FZD3: variants seen among roughly 807,000 people sequenced by gnomAD.
FZD3 encodes the protein frizzled class receptor 3, also known as frizzled-3.
FZD3 carries 30 observed loss-of-function variants against 60.7 expected under a neutral mutation model. The ratio of observed to expected loss-of-function variants is 0.49; its 90% CI spans 0.37 to 0.67. The LOEUF is 0.67. Ranked by LOEUF, FZD3 falls within the 30% of genes least tolerant of loss-of-function variation. FZD3 has a pLI of 0.00. For missense variants in FZD3, 605 were observed against 838.7 expected (o/e 0.72, Z 3.44); for synonymous variants, 246 against 275.2 (o/e 0.89, Z 1.05).
Position 28,566,368 on chromosome 8 carries a change from T to C in FZD3, c.*3357T>C, listed in dbSNP as rs1805706119. 6.6e-6 allele frequency: 1 copy of C among 152,184 alleles called. No homozygotes were observed. Among genetic ancestry groups the C allele is most frequent in the African/African-American group, 2.4e-5 (1 of 41,454 alleles). The allele number at this position is 152,184 out of a possible 1,614,324, so 9.4% of individuals were successfully genotyped here. A position where few individuals can be genotyped will look rare whatever the true frequency, so the allele number is the denominator to read the frequency against. ...ATTTTAGAAGATGAACAGTGATTCT[T>C]AGAAGTGAGTAATTAGACTCCTTTT... On this transcript the variant is annotated 3_prime_UTR_variant, in exon 8 of 8. Transcript: ENST00000240093.
At chr8:28,494,537 C>G (rs1803783952) in intron 1 of FZD3, among the ~76,000 whole-genome samples, 194 bp downstream of exon 1, 1 of 152,020 alleles carries the variant, frequency 6.6e-6, no homozygotes, top group Non-Finnish European at 1.5e-5. Flanking sequence ...CCTTGGGCGC[C>G]GGACTGTGGC....
chr8:28,500,696 T>C (rs1262286272), intron 2 of FZD3, among the ~76,000 whole-genome samples: 2 of 152,198 alleles, frequency 1.3e-5, no homozygotes, highest in Admixed American at 6.5e-5. Flanking sequence ...TTTAGTGATA[T>C]GCATAATTGT....
chr8:28,499,305 A>T (rs1803928925), intron 1 of FZD3, among the ~76,000 whole-genome samples: 1 of 152,144 alleles, frequency 6.6e-6, no homozygotes, highest in African/African-American at 2.4e-5. Flanking sequence ...TTTATTTTTT[A>T]TTTATTGTTA....
intron 5 of FZD3, among the ~76,000 whole-genome samples, chr8:28,545,921 G>T (rs1383225263): frequency 6.6e-6 from 1 of 152,184 alleles, no homozygotes; most frequent in Non-Finnish European, 1.5e-5. Flanking sequence ...GGTCCCATAG[G>T]ATTATAATGC....
intron 3 of FZD3, among the ~76,000 whole-genome samples, chr8:28,512,367 C>G (rs2130316619): frequency 6.6e-6 from 1 of 152,204 alleles, no homozygotes; most frequent in East Asian, 1.9e-4. Context: ...AGTATGGTAT[C>G]ATCCTGGTTT....
chr8:28,517,372 GT>G (rs929694829), intron 3 of FZD3, among the ~76,000 whole-genome samples: 42 of 151,902 alleles, frequency 2.8e-4, no homozygotes, highest in African/African-American at 8.5e-4. Context: ...TTTTTCTTTG[GT>G]TTTCAACCGT....
In FZD3 at chr8:28,569,409, G is replaced by T. The variant is rs898457350; in HGVS notation, c.*6398G>T. The T allele has an allele frequency of 6.6e-6, 1 of 151,378 alleles. No homozygotes were observed. Among genetic ancestry groups the T allele is most frequent in the East Asian group, 1.9e-4 (1 of 5,176 alleles). The allele number at this position is 151,378 out of a possible 1,614,324, so 9.4% of individuals were successfully genotyped here. A position where few individuals can be genotyped will look rare whatever the true frequency, so the allele number is the denominator to read the frequency against. ...AACTTTGGATAAGGCATTTTATCTCGTGGTGCCTCCATTTTTCTCATTCTC... is the reference window on the plus strand; with the variant it reads ...AACTTTGGATAAGGCATTTTATCTCTTGGTGCCTCCATTTTTCTCATTCTC... On this transcript the variant is annotated 3_prime_UTR_variant, in exon 8 of 8. Coordinates refer to ENST00000240093, the MANE Select transcript of FZD3 (RefSeq NM_017412.4).
intron 6 of FZD3, among the ~76,000 whole-genome samples, chr8:28,554,382 G>A (rs1201693541): frequency 6.6e-6 from 1 of 152,128 alleles, no homozygotes; most frequent in Non-Finnish European, 1.5e-5. Context: ...ACAGAGGAAC[G>A]AATCCAGATT....
intron 7 of FZD3, 21 bp downstream of exon 7, chr8:28,555,992 A>G (rs1805501434): frequency 7.0e-7 from 1 of 1,438,532 alleles, no homozygotes; most frequent in South Asian, 1.2e-5. Context: ...TTAGTAGTGT[A>G]GTTTATTTCA....
At chr8:28,509,658 CT>C (rs1441930685) in intron 3 of FZD3, among the ~76,000 whole-genome samples, 2 of 152,190 alleles carry the variant, frequency 1.3e-5, no homozygotes, top group Non-Finnish European at 1.5e-5. Flanking sequence ...AAGTTGACCA[CT>C]CTATGTATTT....
chr8:28,509,201 A>G (rs1040350754), intron 3 of FZD3, among the ~76,000 whole-genome samples: 1 of 151,852 alleles, frequency 6.6e-6, no homozygotes, highest in Non-Finnish European at 1.5e-5. Context: ...TTATACTTCA[A>G]GGTACATTCA....
At chr8:28,513,676 T>A (rs1345747058) in intron 3 of FZD3, among the ~76,000 whole-genome samples, 1 of 152,214 alleles carries the variant, frequency 6.6e-6, no homozygotes, top group African/African-American at 2.4e-5. Flanking sequence ...TGTTTTTGAA[T>A]AATTTCTCAT....
At chr8:28,530,982 A>C (rs1268341610) in intron 5 of FZD3, among the ~76,000 whole-genome samples, 1 of 152,154 alleles carries the variant, frequency 6.6e-6, no homozygotes, top group Non-Finnish European at 1.5e-5. Flanking sequence ...ATATATAGAG[A>C]TATAGAAAAT....
In FZD3 at chr8:28,527,032, T is replaced by C; in HGVS notation, c.387-115T>C. The C allele has an allele frequency of 2.3e-6, 2 of 855,836 alleles. No homozygotes were observed. Among genetic ancestry groups the C allele is most frequent in the Non-Finnish European group, 3.7e-6 (2 of 542,098 alleles). The allele number at this position is 855,836 out of a possible 1,614,324, so 53.0% of individuals were successfully genotyped here. A position where few individuals can be genotyped will look rare whatever the true frequency, so the allele number is the denominator to read the frequency against. On this transcript the variant is annotated intron_variant, in intron 4 of 7. Coordinates refer to ENST00000240093, the MANE Select transcript of FZD3 (RefSeq NM_017412.4). The surrounding 1 kb of genome is among the most constrained non-coding windows in gnomAD (Gnocchi z 5.0). ...ATTTACTTTATTTCTACATATTACA[T>C]TTGCTCTCCAGGAATAAATAAGGTT...
rs1363059325 is a variant in FZD3, at chr8:28,571,780, A to C, written c.*8769A>C. The C allele has an allele frequency of 6.6e-6, 1 of 152,132 alleles. No individual in the cohort carries two copies. Among genetic ancestry groups the C allele is most frequent in the African/African-American group, 2.4e-5 (1 of 41,430 alleles). 9.4% of individuals were successfully genotyped at this position (152,132 alleles called of 1,614,324 possible). A position where few individuals can be genotyped will look rare whatever the true frequency, so the allele number is the denominator to read the frequency against. ...GTAAAGATTGATATTGATACCACCC[A>C]CCATCCTTTCCTCTAGCCCCAGAAA... On this transcript the variant is annotated 3_prime_UTR_variant, in exon 8 of 8. Coordinates refer to ENST00000240093, the MANE Select transcript of FZD3 (RefSeq NM_017412.4).
intron 5 of FZD3, among the ~76,000 whole-genome samples, chr8:28,544,429 C>T (rs1380256421): frequency 6.6e-6 from 1 of 151,982 alleles, no homozygotes; most frequent in Non-Finnish European, 1.5e-5. Flanking sequence ...GCTTACTTTA[C>T]ATATTTATGA....
rs150398117 is a variant in FZD3 at position 28,534,558 on chromosome 8, AAATC to A, written c.1404+6412_1404+6415del. Among the ~76,000 whole-genome samples, 494 of 152,216 alleles carry A rather than the reference AAATC, an allele frequency of 3.2e-3. 4 individuals carry two copies. Among genetic ancestry groups the A allele is most frequent in the African/African-American group, 0.011 (454 of 41,534 alleles). On this transcript the variant is annotated intron_variant, in intron 5 of 7. Transcript: ENST00000240093. ...ACAGAGCGAGACCCTATCTCAATAA[AAATC>A]AATCAATCAATCAATCAGTGAGACT...
chr8:28,547,753 T>C (rs1805327275), intron 5 of FZD3, among the ~76,000 whole-genome samples: 1 of 152,220 alleles, frequency 6.6e-6, no homozygotes, highest in African/African-American at 2.4e-5. Context: ...ATCTGCCATA[T>C]AATTTGCAAC....
chr8:28,512,952 G>A (rs1004272583), intron 3 of FZD3, among the ~76,000 whole-genome samples: 4 of 152,064 alleles, frequency 2.6e-5, no homozygotes, highest in Non-Finnish European at 4.4e-5. Flanking sequence ...AATTCATGGT[G>A]TTAATCTTTA....
Sources: gnomAD v4.1 joint callset for allele counts (sites outside exome capture counted in the v4.1 genomes callset) on GRCh38, gnomAD v4.1.1 for gene constraint, Gnocchi (gnomAD v3.1) non-coding constraint, MANE v1.5 for transcripts, NCBI Gene and HGNC (gene_info 2026-07-23, HGNC 2026-07-21) for gene names.